CTNNA2: variants seen among roughly 807,000 people sequenced by gnomAD.
CTNNA2 encodes the protein catenin alpha 2, also known as catenin alpha-2.
CTNNA2 carries 42 observed loss-of-function variants against 101.0 expected under a neutral mutation model. The observed-to-expected ratio is 0.42, with a 90% CI of 0.32 to 0.54. The LOEUF (loss-of-function observed/expected upper bound fraction) is 0.54. Among genes scored for constraint, CTNNA2 ranks in the 20% least tolerant of loss-of-function variants. The pLI is 0.14. For synonymous variants in CTNNA2, 450 were observed against 456.4 expected (o/e 0.99, Z 0.18); for missense variants, 871 against 1,223.1 (o/e 0.71, Z 4.29).
chr2:79,635,693 G>A (rs1039747438), intron 1 of CTNNA2, among the ~76,000 whole-genome samples: 11 of 150,688 alleles, frequency 7.3e-5, no homozygotes, highest in African/African-American at 2.4e-4. Flanking sequence ...TAGTAGAGAC[G>A]GGGTTTCAAC....
At chr2:80,324,798 C>A (rs1166599312) in intron 7 of CTNNA2, among the ~76,000 whole-genome samples, 1 of 152,104 alleles carries the variant, frequency 6.6e-6, no homozygotes, top group Non-Finnish European at 1.5e-5. Context: ...CCTTTGATCT[C>A]CCCCATGCGG....
At chr2:79,650,106 G>T (rs1159979195) in intron 1 of CTNNA2, among the ~76,000 whole-genome samples, 1 of 137,680 alleles carries the variant, frequency 7.3e-6, no homozygotes, top group Non-Finnish European at 1.5e-5. Flanking sequence ...CCAGTGGTTA[G>T]ATGTCAGAAT....
chr2:79,716,302 G>A (rs1374088323), intron 2 of CTNNA2, among the ~76,000 whole-genome samples: 1 of 152,076 alleles, frequency 6.6e-6, no homozygotes, highest in African/African-American at 2.4e-5. Context: ...AAGTTCAGGG[G>A]TACACATCCA....
At chr2:80,393,329 C>A in intron 8 of CTNNA2, 38 bp downstream of exon 8, 1 of 1,425,998 alleles carries the variant, frequency 7.0e-7, no homozygotes, top group Non-Finnish European at 9.8e-7. Context: ...CCATGATATT[C>A]AGTAGTGGTT....
chr2:79,622,900 G>A (rs1312601827), intron 1 of CTNNA2, among the ~76,000 whole-genome samples: 4 of 152,086 alleles, frequency 2.6e-5, no homozygotes, highest in African/African-American at 9.7e-5. Flanking sequence ...TTGAATAATA[G>A]AAGGAAACTA....
At chr2:79,958,129 C>T (rs950053811) in intron 7 of CTNNA2, among the ~76,000 whole-genome samples, 1 of 152,198 alleles carries the variant, frequency 6.6e-6, no homozygotes, top group African/African-American at 2.4e-5. Flanking sequence ...GACTCAATAT[C>T]CCAGATATCA....
chr2:79,911,975 A>G (rs1685830662), intron 7 of CTNNA2, among the ~76,000 whole-genome samples: 1 of 152,158 alleles, frequency 6.6e-6, no homozygotes, highest in African/African-American at 2.4e-5. Flanking sequence ...CCATGCCCTG[A>G]CTGAAAAGTC....
At chr2:80,609,971 A>G (rs1353129205) in intron 17 of CTNNA2, among the ~76,000 whole-genome samples, 2 of 151,674 alleles carry the variant, frequency 1.3e-5, no homozygotes, top group African/African-American at 2.4e-5. Context: ...GTTGGCTTTT[A>G]TAGAGGTGTT....
intron 7 of CTNNA2, among the ~76,000 whole-genome samples, chr2:80,004,765 C>T (rs529807091): frequency 3.1e-4 from 47 of 151,820 alleles, no homozygotes; most frequent in African/African-American, 9.2e-4. Context: ...TGCAGTGGCA[C>T]GATCTCAGCT....
chr2:80,502,571 C>A (rs1415898883), intron 9 of CTNNA2, among the ~76,000 whole-genome samples: 8 of 152,144 alleles, frequency 5.3e-5, no homozygotes, highest in African/African-American at 9.6e-5. Context: ...ATTTTGTGTT[C>A]TTTCCTCTTC....
At chr2:80,327,892 C>A (rs774274202) in intron 7 of CTNNA2, among the ~76,000 whole-genome samples, 1 of 152,208 alleles carries the variant, frequency 6.6e-6, no homozygotes, top group Non-Finnish European at 1.5e-5. Context: ...GTGTGGGAAA[C>A]CATCTGAGCT....
chr2:79,555,780 C>A (rs1037259004), intron 1 of CTNNA2, among the ~76,000 whole-genome samples: 1 of 152,168 alleles, frequency 6.6e-6, no homozygotes. Flanking sequence ...CTCAGTGTTA[C>A]CCACTGACCT....
At chr2:80,238,617 CAA>C (rs1709666244) in intron 7 of CTNNA2, among the ~76,000 whole-genome samples, 1 of 152,132 alleles carries the variant, frequency 6.6e-6, no homozygotes, top group Non-Finnish European at 1.5e-5. Context: ...CAGTTCCTGA[CAA>C]GTCCCATAGC....
intron 2 of CTNNA2, among the ~76,000 whole-genome samples, chr2:79,732,398 A>G (rs1409267999): frequency 6.6e-6 from 1 of 152,076 alleles, no homozygotes; most frequent in Non-Finnish European, 1.5e-5. Context: ...AAGTGTGTGA[A>G]AGCCACCTAA....
chr2:80,568,271 AAG>A (rs1213068019), intron 12 of CTNNA2, among the ~76,000 whole-genome samples: 1 of 152,342 alleles, frequency 6.6e-6, no homozygotes, highest in African/African-American at 2.4e-5. Context: ...TGGGCAGAAA[AAG>A]AGAGACTTGT....
chr2:80,142,478 C>T (rs890220626), intron 7 of CTNNA2, among the ~76,000 whole-genome samples: 3 of 152,046 alleles, frequency 2.0e-5, no homozygotes, highest in Non-Finnish European at 4.4e-5. Context: ...GCAACAAGAA[C>T]TGTTAACAGA....
intron 6 of CTNNA2, among the ~76,000 whole-genome samples, chr2:79,877,058 ACT>A (rs1683078606): frequency 6.6e-6 from 1 of 151,518 alleles, no homozygotes; most frequent in Non-Finnish European, 1.5e-5. Context: ...TATAATATTA[ACT>A]CAGTATATTA....
intron 15 of CTNNA2, among the ~76,000 whole-genome samples, chr2:80,592,143 AAG>A: frequency 6.6e-6 from 1 of 152,174 alleles, no homozygotes; most frequent in Non-Finnish European, 1.5e-5. Context: ...TTTTGAGACT[AAG>A]AAAAAAAAAC....
At chr2:80,576,725 G>T (rs939336870) in intron 13 of CTNNA2, among the ~76,000 whole-genome samples, 20 of 144,074 alleles carry the variant, frequency 1.4e-4, no homozygotes, top group African/African-American at 4.9e-4. Flanking sequence ...GAGGCAGGTG[G>T]ATCACCTGAG....
Sources: allele counts gnomAD v4.1 joint callset (sites outside exome capture counted in the v4.1 genomes callset), GRCh38; gene constraint gnomAD v4.1.1; transcripts MANE v1.5; gene names NCBI Gene and HGNC (gene_info 2026-07-23, HGNC 2026-07-21).